HERC4: variants seen among roughly 807,000 people sequenced by gnomAD.
The protein encoded by HERC4 is probable E3 ubiquitin-protein ligase HERC4.
Under a neutral mutation model 124.3 loss-of-function variants are expected in HERC4, and 28 were observed. The ratio of observed to expected loss-of-function variants is 0.23; its 90% CI spans 0.17 to 0.31. HERC4 has a LOEUF of 0.31. Ranked by LOEUF, HERC4 falls within the 10% of genes least tolerant of loss-of-function variation. The probability of loss-of-function intolerance (pLI) is 1.00; values close to 1 mark genes in which losing one functional copy is unlikely to be tolerated. For synonymous variants in HERC4, 407 were observed against 421.5 expected, an observed-to-expected ratio of 0.97 and a Z score of 0.42; for missense variants, 713 against 1,229.3, an observed-to-expected ratio of 0.58 and a Z score of 6.28.
intron 3 of HERC4, 110 bp from the exon 4 acceptor site, chr10:68,044,673 A>G (rs566553918): frequency 8.3e-6 from 8 of 959,752 alleles, no homozygotes; most frequent in South Asian, 8.0e-5. Context: ...TCTTCATTTT[A>G]TACAAACAAG....
chr10:68,002,229 C>CA (rs1323775109), intron 9 of HERC4, among the ~76,000 whole-genome samples: 5 of 152,006 alleles, frequency 3.3e-5, no homozygotes, highest in African/African-American at 1.2e-4. Context: ...TTACAAATGT[C>CA]AACCTTCATA....
intron 23 of HERC4, among the ~76,000 whole-genome samples, chr10:67,931,326 T>C (rs2031781484): frequency 6.6e-6 from 1 of 151,960 alleles, no homozygotes; most frequent in Admixed American, 6.6e-5. Flanking sequence ...TATTTGATAA[T>C]TACTCTGCTA....
chr10:68,009,154 G>A (rs953800187), intron 9 of HERC4, among the ~76,000 whole-genome samples: 2 of 151,968 alleles, frequency 1.3e-5, no homozygotes, highest in African/African-American at 4.8e-5. Flanking sequence ...AACCCATGAG[G>A]TGAAGGTTGC....
intron 17 of HERC4, 114 bp from the exon 18 acceptor site, chr10:67,955,244 G>A: frequency 1.2e-6 from 1 of 843,784 alleles, no homozygotes; most frequent in Non-Finnish European, 1.8e-6. Flanking sequence ...CTATGCTACT[G>A]AATTAACATA....
At chr10:67,984,842 G>A (rs113408146) in intron 15 of HERC4, among the ~76,000 whole-genome samples, 4 of 152,074 alleles carry the variant, frequency 2.6e-5, no homozygotes, top group African/African-American at 4.8e-5. Flanking sequence ...CCTCAGCCTC[G>A]CAAAGTGCTG....
intron 9 of HERC4, among the ~76,000 whole-genome samples, chr10:68,005,561 C>T (rs2037490443): frequency 1.3e-5 from 2 of 152,034 alleles, no homozygotes; most frequent in Non-Finnish European, 1.5e-5. Context: ...AGGACTTACT[C>T]CTGACATTTT....
intron 9 of HERC4, among the ~76,000 whole-genome samples, chr10:68,011,131 T>C (rs1358552810): frequency 2.0e-5 from 3 of 152,164 alleles, no homozygotes; most frequent in Non-Finnish European, 2.9e-5. Context: ...AGTATGATCA[T>C]AGCTCACTGT....
intron 16 of HERC4, among the ~76,000 whole-genome samples, chr10:67,963,124 A>G (rs558345571): frequency 1.3e-5 from 2 of 152,232 alleles, no homozygotes; most frequent in African/African-American, 4.8e-5. Context: ...CTGCTTTCTC[A>G]TCATACATAT....
chr10:68,039,371 A>T, intron 4 of HERC4: 1 of 1,534,636 alleles, frequency 6.5e-7, no homozygotes, highest in African/African-American at 1.4e-5. Context: ...ATGGGGAGGT[A>T]CACAATATGT....
chr10:68,001,523 C>A (rs2037231250), intron 9 of HERC4, among the ~76,000 whole-genome samples: 1 of 152,098 alleles, frequency 6.6e-6, no homozygotes, highest in African/African-American at 2.4e-5. Context: ...AGTTTTTATC[C>A]TATACAGCTT....
At chr10:68,020,562 C>G (rs1031427501) in intron 8 of HERC4, among the ~76,000 whole-genome samples, 9 of 151,740 alleles carry the variant, frequency 5.9e-5, no homozygotes, top group African/African-American at 2.2e-4. Flanking sequence ...GTCAGGAGAT[C>G]GAGACCACCC....
Position 67,955,014 on chromosome 10 carries a change from T to C in HERC4, c.2142A>G (p.Ala714=), listed in dbSNP as rs1286293540. ...VVRRENIVGD[A]MEVLRKTKNI... is the part of the protein sequence containing the mutation. ...TCTTTGTTTTCCTAAGGACTTCCAT[T>C]GCATCTCCTACAATATTTTCTCTAC... The change falls in exon 18 of 25, where the codon GCA becomes GCG. Residue 714 remains alanine (A), a synonymous_variant. Transcript: ENST00000373700. 1 of 1,601,248 alleles carries C rather than the reference T, an allele frequency of 6.2e-7. No homozygotes were observed. The highest frequency in any genetic ancestry group is 1.4e-5 in the African/African-American group (1 of 73,882).
intron 8 of HERC4, 35 bp downstream of exon 8, chr10:68,025,511 T>TA (rs1436929296): frequency 6.3e-7 from 1 of 1,591,702 alleles, no homozygotes; most frequent in Admixed American, 1.7e-5. Flanking sequence ...AACTGCAGTT[T>TA]AGAGACCAAA....
intron 19 of HERC4, among the ~76,000 whole-genome samples, chr10:67,953,526 G>T (rs2033947773): frequency 6.6e-6 from 1 of 152,112 alleles, no homozygotes; most frequent in African/African-American, 2.4e-5. Context: ...GTTTCAAAAG[G>T]ACTTGGGCAC....
intron 16 of HERC4, among the ~76,000 whole-genome samples, chr10:67,960,426 C>T (rs769850446): frequency 1.3e-5 from 2 of 152,028 alleles, no homozygotes; most frequent in East Asian, 3.9e-4. Context: ...GATCTTGTTG[C>T]CCAGGCTGGA....
At chr10:67,930,128 A>G (rs1370123523) in intron 23 of HERC4, among the ~76,000 whole-genome samples, 1 of 151,996 alleles carries the variant, frequency 6.6e-6, no homozygotes, top group Non-Finnish European at 1.5e-5. Flanking sequence ...TCCTTTTAAC[A>G]CTTAGTAGTT....
chr10:67,946,636 C>G (rs1022430259), intron 19 of HERC4, among the ~76,000 whole-genome samples: 1 of 152,090 alleles, frequency 6.6e-6, no homozygotes, highest in African/African-American at 2.4e-5. Flanking sequence ...AGGCCAGACG[C>G]AGTGGCTCAC....
chr10:68,004,739 C>T (rs574928628), intron 9 of HERC4, among the ~76,000 whole-genome samples: 3 of 152,326 alleles, frequency 2.0e-5, no homozygotes, highest in South Asian at 4.1e-4. Flanking sequence ...GCACCTTCTT[C>T]ACAAGGTGGC....
At chr10:68,059,381 T>C (rs2040714283) in intron 3 of HERC4, among the ~76,000 whole-genome samples, 1 of 146,482 alleles carries the variant, frequency 6.8e-6, no homozygotes, top group Non-Finnish European at 1.5e-5. Flanking sequence ...CTTCATCATA[T>C]AGGTCTTGCA....
Sources: allele counts gnomAD v4.1 joint callset (sites outside exome capture counted in the v4.1 genomes callset), GRCh38; gene constraint gnomAD v4.1.1; transcripts MANE v1.5; gene names NCBI Gene and HGNC (gene_info 2026-07-23, HGNC 2026-07-21).